The following CHODL variants were observed in gnomAD, a reference collection of about 807,000 sequenced individuals.
The protein encoded by CHODL is chondrolectin, also known as transmembrane protein MT75.
CHODL carries 29 observed loss-of-function variants against 34.5 expected under a neutral mutation model. That is an observed-to-expected ratio of 0.84 (90% CI 0.63 to 1.15). The LOEUF (loss-of-function observed/expected upper bound fraction) is 1.15. Ranked by LOEUF, CHODL falls within the 50% of genes most tolerant of loss-of-function variation. The probability of loss-of-function intolerance (pLI) is 0.00; values close to 1 mark genes in which losing one functional copy is unlikely to be tolerated. For missense variants in CHODL, 332 were observed against 332.5 expected (o/e 1.00, Z 0.01); for synonymous variants, 125 against 116.1 (o/e 1.08, Z -0.49).
upstream of CHODL, among the ~76,000 whole-genome samples, chr21:18,243,516 A>G (rs1177059880): frequency 6.6e-6 from 1 of 152,094 alleles, no homozygotes; most frequent in Non-Finnish European, 1.5e-5. Context: ...AAGTGATAGA[A>G]TAGACATTAT....
At chr21:18,106,950 G>A (rs376000604) in intron 2 of CHODL, among the ~76,000 whole-genome samples, 12 of 152,282 alleles carry the variant, frequency 7.9e-5, no homozygotes, top group African/African-American at 2.9e-4. Flanking sequence ...CAGAAGGAAA[G>A]AGTATGCTTG....
intron 2 of CHODL, among the ~76,000 whole-genome samples, chr21:18,230,812 G>A (rs2073971721): frequency 6.6e-6 from 1 of 151,990 alleles, no homozygotes; most frequent in South Asian, 2.1e-4. Flanking sequence ...AATGCTTTTG[G>A]CGTAATTTTT....
intron 1 of CHODL, among the ~76,000 whole-genome samples, chr21:18,252,166 A>G (rs777801287): frequency 6.6e-6 from 1 of 152,116 alleles, no homozygotes; most frequent in Non-Finnish European, 1.5e-5. Flanking sequence ...GATGTCTTCA[A>G]TTGCAGATGC....
chr21:18,048,006 T>C (rs2064466035), intron 2 of CHODL, among the ~76,000 whole-genome samples: 1 of 151,968 alleles, frequency 6.6e-6, no homozygotes, highest in Non-Finnish European at 1.5e-5. Context: ...CAGAACGTTA[T>C]ACATTTTCCA....
Position 17,956,146 on chromosome 21 carries a change from C to T in CHODL, c.-145+38746C>T, listed in dbSNP as rs1252508229. 3.7e-5 allele frequency among the ~76,000 whole-genome samples: 5 copies of T among 135,816 alleles called. 2 individuals carry two copies. Among genetic ancestry groups the T allele is most frequent in the Non-Finnish European group, 8.4e-5 (5 of 59,764 alleles). The allele number at this position is 135,816 out of a possible 152,430, so 89.1% of individuals were successfully genotyped here. On this transcript the variant is annotated intron_variant, in intron 1 of 6. Coordinates refer to the CHODL transcript ENST00000400127. ...TAATCCCCAGTGTTGGAGATGGGGCCCAGTGGGAGGTGTTGGAATCACGGG... is the reference window on the plus strand; with the variant it reads ...TAATCCCCAGTGTTGGAGATGGGGCTCAGTGGGAGGTGTTGGAATCACGGG...
upstream of CHODL, among the ~76,000 whole-genome samples, chr21:18,242,555 A>G (rs1211114867): frequency 6.6e-6 from 1 of 152,190 alleles, no homozygotes; most frequent in Admixed American, 6.5e-5. Context: ...TGACCCATCC[A>G]GATGTTTTGA....
intron 1 of CHODL, among the ~76,000 whole-genome samples, chr21:17,998,487 AC>A (rs778216738): frequency 2.6e-5 from 4 of 152,352 alleles, no homozygotes; most frequent in Admixed American, 1.3e-4. Context: ...CTCTGACCCC[AC>A]ATTTCTCTTC....
chr21:18,080,570 T>C (rs2064930235), intron 2 of CHODL, among the ~76,000 whole-genome samples: 1 of 152,146 alleles, frequency 6.6e-6, no homozygotes, highest in Admixed American at 6.6e-5. Flanking sequence ...TTTCCCGGCA[T>C]CATTTATTGA....
At chr21:18,226,863 C>T (rs2073935797) in intron 2 of CHODL, among the ~76,000 whole-genome samples, 1 of 152,082 alleles carries the variant, frequency 6.6e-6, no homozygotes, top group Admixed American at 6.6e-5. Context: ...CTTACATTTT[C>T]TGAAACATTG....
chr21:18,119,741 GA>G (rs2065457372), intron 2 of CHODL, among the ~76,000 whole-genome samples: 1 of 152,050 alleles, frequency 6.6e-6, no homozygotes, highest in African/African-American at 2.4e-5. Flanking sequence ...AGTAGGGATG[GA>G]AATAAATAGA....
At chr21:17,960,747 G>A (rs955877273) in intron 1 of CHODL, among the ~76,000 whole-genome samples, 4 of 151,900 alleles carry the variant, frequency 2.6e-5, no homozygotes, top group Admixed American at 2.0e-4. Flanking sequence ...CCTACACATC[G>A]ATGGCTCCCC....
At chr21:18,100,301 G>A (rs1056372757) in intron 2 of CHODL, among the ~76,000 whole-genome samples, 5 of 147,566 alleles carry the variant, frequency 3.4e-5, no homozygotes, top group Non-Finnish European at 7.5e-5. Flanking sequence ...AAGGTGGAAG[G>A]CAAACAGAAG....
intron 2 of CHODL, among the ~76,000 whole-genome samples, chr21:18,210,973 C>T (rs1362430846): frequency 2.0e-5 from 3 of 152,144 alleles, no homozygotes; most frequent in Admixed American, 2.0e-4. Context: ...ACTATCATCC[C>T]TGATTGAATT....
chr21:18,122,111 G>A (rs560846547), intron 2 of CHODL, among the ~76,000 whole-genome samples: 1 of 152,146 alleles, frequency 6.6e-6, no homozygotes, highest in East Asian at 1.9e-4. Flanking sequence ...TATTCATGAA[G>A]AATTTAGTTT....
At chr21:18,263,410 C>T (rs1460871886) in intron 5 of CHODL, among the ~76,000 whole-genome samples, 3 of 152,046 alleles carry the variant, frequency 2.0e-5, no homozygotes, top group Non-Finnish European at 2.9e-5. Context: ...TACAGCGGTT[C>T]AAACAGGCCA....
intron 2 of CHODL, among the ~76,000 whole-genome samples, chr21:18,215,844 C>T (rs1437228532): frequency 1.3e-5 from 2 of 152,084 alleles, no homozygotes; most frequent in African/African-American, 4.8e-5. Flanking sequence ...TCTCAAACTT[C>T]TTGGGAAATC....
In CHODL at chr21:17,999,689, A is replaced by G. The variant is rs545735551; in HGVS notation, c.-144-28183A>G. On this transcript the variant is annotated intron_variant, in intron 1 of 6. Transcript: ENST00000400127. The stretch of plus-strand genomic sequence containing the variant: ...CATGAGACTTATTCACTATCACGAG[A>G]ATAGCATGGGAAAGACCAGCCCCCA... Among the ~76,000 whole-genome samples the G allele has an allele frequency of 6.1e-4, 93 of 152,316 alleles. 1 individual carries two copies. The highest frequency in any genetic ancestry group is 2.2e-3 in the African/African-American group (91 of 41,568).
At chr21:18,064,917 T>C (rs551072746) in intron 2 of CHODL, among the ~76,000 whole-genome samples, 12 of 152,222 alleles carry the variant, frequency 7.9e-5, no homozygotes, top group Non-Finnish European at 1.3e-4. Flanking sequence ...TTAGCACAAA[T>C]GGAATCATGG....
At chr21:17,957,002 G>A (rs895166470) in intron 1 of CHODL, among the ~76,000 whole-genome samples, 1 of 151,840 alleles carries the variant, frequency 6.6e-6, no homozygotes, top group Non-Finnish European at 1.5e-5. Flanking sequence ...AATGTGGGTG[G>A]GCAACCAATC....
Sources: gnomAD v4.1 joint callset for allele counts (sites outside exome capture counted in the v4.1 genomes callset) on GRCh38, gnomAD v4.1.1 for gene constraint, MANE v1.5 for transcripts, NCBI Gene and HGNC (gene_info 2026-07-23, HGNC 2026-07-21) for gene names.